The following CDH7 variants were observed in gnomAD, a reference collection of about 807,000 sequenced individuals.
CDH7 encodes cadherin 7.
A neutral mutation model predicts 71.8 loss-of-function variants in CDH7; 25 were observed. That is an observed-to-expected ratio of 0.35 (90% CI 0.25 to 0.49). CDH7 has a LOEUF of 0.49. Ranked by LOEUF, CDH7 falls within the 20% of genes least tolerant of loss-of-function variation. The pLI is 0.99. For synonymous variants in CDH7, 381 were observed against 363.8 expected (o/e 1.05, Z -0.54); for missense variants, 862 against 974.6 (o/e 0.88, Z 1.54).
chr18:65,810,122 CAGTT>C (rs1262246007), intron 3 of CDH7, 124 bp downstream of exon 3: 18 of 766,360 alleles, frequency 2.3e-5, no homozygotes, highest in Non-Finnish European at 3.4e-5. Flanking sequence ...TATTGATTGT[CAGTT>C]AGGGTGAGGG....
intron 7 of CDH7, among the ~76,000 whole-genome samples, chr18:65,855,311 C>A: frequency 6.7e-6 from 1 of 148,154 alleles, no homozygotes; most frequent in South Asian, 2.1e-4. Context: ...TTTTTTTGAA[C>A]AGACCTAAAT....
At chr18:65,820,530 A>G (rs1352807376) in intron 4 of CDH7, among the ~76,000 whole-genome samples, 1 of 152,166 alleles carries the variant, frequency 6.6e-6, no homozygotes. Flanking sequence ...AGCAAATGCC[A>G]TACAAGTAGA....
chr18:65,831,357 G>A (rs1017039149), intron 6 of CDH7, among the ~76,000 whole-genome samples: 4 of 152,058 alleles, frequency 2.6e-5, no homozygotes, highest in South Asian at 2.1e-4. Context: ...AAAAGAACGC[G>A]ATCTGCTGGC....
chr18:65,853,035 C>T (rs1476452429), intron 7 of CDH7, among the ~76,000 whole-genome samples: 1 of 152,082 alleles, frequency 6.6e-6, no homozygotes, highest in Non-Finnish European at 1.5e-5. Context: ...TATTGAGATA[C>T]AGAGCTGTCA....
At chr18:65,788,473 A>G (rs942455932) in intron 2 of CDH7, among the ~76,000 whole-genome samples, 11 of 152,206 alleles carry the variant, frequency 7.2e-5, no homozygotes, top group Admixed American at 1.3e-4. Context: ...CCTACATATC[A>G]CATGGTGTGT....
chr18:65,868,526 G>T (rs371497114), intron 11 of CDH7, among the ~76,000 whole-genome samples: 2 of 152,272 alleles, frequency 1.3e-5, no homozygotes, highest in Middle Eastern at 6.8e-3. Context: ...ATGCTTACAG[G>T]TTTGTGGATA....
At chr18:65,863,072 C>A in intron 11 of CDH7, 155 bp downstream of exon 11, 1 of 801,728 alleles carries the variant, frequency 1.2e-6, no homozygotes, top group East Asian at 2.7e-5. Context: ...GGGTCTCACT[C>A]TGTTGCCCAG....
At chr18:65,876,202 T>C (rs1031852869) in intron 11 of CDH7, among the ~76,000 whole-genome samples, 2 of 152,166 alleles carry the variant, frequency 1.3e-5, no homozygotes, top group Non-Finnish European at 2.9e-5. Flanking sequence ...CTTTTGCCAA[T>C]ATCCAGCACT....
intron 11 of CDH7, among the ~76,000 whole-genome samples, chr18:65,867,746 C>G (rs966386487): frequency 6.6e-6 from 1 of 152,178 alleles, no homozygotes; most frequent in Non-Finnish European, 1.5e-5. Context: ...TAATTGAAGT[C>G]TTCTAGCGTT....
chr18:65,850,565 A>C (rs989542001), intron 7 of CDH7, among the ~76,000 whole-genome samples: 3 of 150,616 alleles, frequency 2.0e-5, no homozygotes, highest in Admixed American at 2.0e-4. Context: ...TAAGATTCAC[A>C]TTCCCTGCAG....
At chr18:65,766,885 T>TAAAAAAAAAAAA (rs61611288) in intron 2 of CDH7, among the ~76,000 whole-genome samples, 2 of 88,614 alleles carry the variant, frequency 2.3e-5, no homozygotes, top group African/African-American at 3.1e-5. Flanking sequence ...CTGTCTGACG[T>TAAAAAAAAAAAA]AAAAAAAAAA....
At chr18:65,752,617 C>G (rs528826625) in intron 1 of CDH7, among the ~76,000 whole-genome samples, 1 of 152,074 alleles carries the variant, frequency 6.6e-6, no homozygotes, top group Non-Finnish European at 1.5e-5. Flanking sequence ...CTATTTTGAA[C>G]AGTATGAATT....
At chr18:65,779,389 G>C (rs1428679918) in intron 2 of CDH7, among the ~76,000 whole-genome samples, 2 of 113,682 alleles carry the variant, frequency 1.8e-5, no homozygotes, top group East Asian at 5.4e-4. Flanking sequence ...TGCCATGCTG[G>C]TGCGCTGCAC....
At chr18:65,801,548 A>C (rs1256934251) in intron 2 of CDH7, among the ~76,000 whole-genome samples, 1 of 152,202 alleles carries the variant, frequency 6.6e-6, no homozygotes, top group Non-Finnish European at 1.5e-5. Context: ...ATTTAGAGTT[A>C]ACAGTCAGAG....
Position 65,772,797 on chromosome 18 carries a change from T to G in CDH7, c.210+9745T>G, listed in dbSNP as rs1457390644. 9.9e-5 allele frequency among the ~76,000 whole-genome samples: 15 copies of G among 152,250 alleles called. No homozygotes were observed. The East Asian group carries it at 2.7e-3, about 27-fold the overall frequency. ...GCTTTATTACAAAGGCTAAGTTATC[T>G]TCTAGACTGATGATGGAAAATACAT... On this transcript the variant is annotated intron_variant, in intron 2 of 11. Transcript: ENST00000397968.
intron 6 of CDH7, among the ~76,000 whole-genome samples, chr18:65,840,925 T>G (rs1384299967): frequency 1.3e-5 from 2 of 152,162 alleles, no homozygotes. Flanking sequence ...TCTTAGTAAT[T>G]AATTCTAATA....
chr18:65,840,621 T>G (rs2143982174), intron 6 of CDH7, among the ~76,000 whole-genome samples: 1 of 152,176 alleles, frequency 6.6e-6, no homozygotes, highest in South Asian at 2.1e-4. Context: ...GATCTGATGG[T>G]TTTATAAGGG....
chr18:65,780,388 G>A (rs553004092), intron 2 of CDH7, among the ~76,000 whole-genome samples: 2 of 127,186 alleles, frequency 1.6e-5, no homozygotes, highest in South Asian at 2.9e-4. Flanking sequence ...CCACGCCTAT[G>A]TCCTGAATGG....
chr18:65,787,084 A>T (rs1910542239), intron 2 of CDH7, among the ~76,000 whole-genome samples: 1 of 152,164 alleles, frequency 6.6e-6, no homozygotes, highest in African/African-American at 2.4e-5. Context: ...CAGATTCAAG[A>T]TCATTATCAT....
Sources: allele counts gnomAD v4.1 joint callset (sites outside exome capture counted in the v4.1 genomes callset), GRCh38; gene constraint gnomAD v4.1.1; transcripts MANE v1.5; gene names NCBI Gene and HGNC (gene_info 2026-07-23, HGNC 2026-07-21).